The following SYCP2 variants were observed in gnomAD, a reference collection of about 807,000 sequenced individuals.
SYCP2 encodes the protein synaptonemal complex protein 2, also known as synaptonemal complex lateral element protein.
A neutral mutation model predicts 211.3 loss-of-function variants in SYCP2; 55 were observed. The ratio of observed to expected loss-of-function variants is 0.26; its 90% CI spans 0.21 to 0.33. The LOEUF (loss-of-function observed/expected upper bound fraction) is 0.33. SYCP2 is among the 10% of genes least tolerant of loss of function. The pLI, the probability that SYCP2 is intolerant of heterozygous loss-of-function variation, is 1.00. For missense variants in SYCP2, 1,731 were observed against 1,752.0 expected (o/e 0.99, Z 0.21); for synonymous variants, 570 against 555.2 (o/e 1.03, Z -0.37).
chr20:59,868,538 A>C lies in SYCP2; in HGVS notation c.3863T>G (p.Ile1288Arg). ...GPTQHLSRKR[I>R]YIEDNLSNSN... ...ATTACTTAGATTATCTTCTATATATATTCTTTTGCGACTAAGATGTTGGGT... is the reference window on the plus strand; with the variant it reads ...ATTACTTAGATTATCTTCTATATATCTTCTTTTGCGACTAAGATGTTGGGT... Residue 1288 changes from isoleucine (I) to arginine (R), a missense_variant, in exon 38 of 45, where the codon ATA (isoleucine) becomes AGA (arginine). Coordinates refer to ENST00000357552, the MANE Select transcript of SYCP2 (RefSeq NM_014258.4). The C allele has an allele frequency of 6.2e-7, 1 of 1,605,996 alleles. No individual in the cohort carries two copies. The highest frequency in any genetic ancestry group is 8.5e-7 in the Non-Finnish European group (1 of 1,177,302).
chr20:59,893,217 TATA>T lies in SYCP2; in HGVS notation c.1736-21_1736-19del. On this transcript the variant is annotated intron_variant, in intron 21 of 44. Transcript: ENST00000357552. ...GAGTTCACCTAAATAAAACAAATAT[TATA>T]ATATTTTCATTTTTTTCATGCAGTT... is the stretch of plus-strand genomic sequence containing the variant. 1 of 1,557,182 alleles carries T rather than the reference TATA, an allele frequency of 6.4e-7. No homozygotes were observed. The highest frequency in any genetic ancestry group is 8.8e-7 in the Non-Finnish European group (1 of 1,142,696).
rs766858198 is a variant in SYCP2 at position 59,868,521 on chromosome 20, G to A, written c.3880C>T (p.Leu1294=). Residue 1294 remains leucine, a synonymous_variant, in exon 38 of 45, where the codon CTA becomes TTA. Transcript: ENST00000357552. Reference sequence around the variant, plus strand: ...ATTTCTACTTCATTGGAATTACTTAGATTATCTTCTATATATATTCTTTTG... The same window carrying A: ...ATTTCTACTTCATTGGAATTACTTAAATTATCTTCTATATATATTCTTTTG... ...SRKRIYIEDN[L]SNSNEVEMEE... is the part of the protein sequence containing the mutation. 6 of 1,610,606 alleles carry A rather than the reference G, an allele frequency of 3.7e-6. No homozygotes were observed. Among genetic ancestry groups the A allele is most frequent in the African/African-American group, 1.3e-5 (1 of 74,668 alleles).
At chr20:59,887,611 C>A (rs1385739614) in intron 24 of SYCP2, among the ~76,000 whole-genome samples, 1 of 151,952 alleles carries the variant, frequency 6.6e-6, no homozygotes, top group Non-Finnish European at 1.5e-5. Context: ...TACAGTCCCA[C>A]CAACAGTGTA....
rs1487969937 is a variant in SYCP2, at chr20:59,892,169, G to A, written c.2185C>T (p.Leu729=). 6.2e-7 allele frequency: 1 copy of A among 1,612,220 alleles called. No homozygotes were observed. Among genetic ancestry groups the A allele is most frequent in the East Asian group, 2.2e-5 (1 of 44,798 alleles). Residue 729 remains leucine, a synonymous_variant, in exon 24 of 45, where the codon CTA becomes TTA. Transcript: ENST00000357552. ...ESETTFKSVL[L]NKTIEESLIY... ...AGCGATTCTTCAATTGTCTTATTTA[G>A]GAGAACCGATTTAAAAGTAGTTTCA...
chr20:59,922,428 A>T lies in SYCP2; in HGVS notation c.-15T>A, dbSNP rs773739720. On this transcript the variant is annotated 5_prime_UTR_variant, in exon 3 of 45. Transcript: ENST00000357552. Reference sequence around the variant, plus strand: ...CTTATTGGCATTTTGACTTCATTTAAAAAAAAAAAAAAAGCAAGACAAAAT... The same window carrying T: ...CTTATTGGCATTTTGACTTCATTTATAAAAAAAAAAAAAGCAAGACAAAAT... 8.2e-6 allele frequency: 6 copies of T among 727,846 alleles called. No individual in the cohort carries two copies. Among genetic ancestry groups the T allele is most frequent in the African/African-American group, 2.2e-5 (1 of 45,822 alleles). The allele number at this position is 727,846 out of a possible 1,614,324, so 45.1% of individuals were successfully genotyped here.
At chr20:59,866,716 TAA>T in intron 39 of SYCP2, 127 bp from the exon 40 acceptor site, 2 of 663,270 alleles carry the variant, frequency 3.0e-6, no homozygotes, top group South Asian at 2.2e-5. Flanking sequence ...AGTGAAAAAT[TAA>T]AAACTCAGTT....
In SYCP2 at chr20:59,871,297, G is replaced by T. The variant is rs145239342; in HGVS notation, c.3556-1314C>A. On this transcript the variant is annotated intron_variant, in intron 35 of 44. Transcript: ENST00000357552. ...ACACAACTTTATGCTTACCAGACTG[G>T]CAAAAACAGAAACAACTGATAACAT... Among the ~76,000 whole-genome samples the T allele has an allele frequency of 7.3e-3, 1,117 of 151,976 alleles. 19 individuals carry two copies. Among genetic ancestry groups the T allele is most frequent in the African/African-American group, 0.025 (1,056 of 41,522 alleles).
chr20:59,929,150 G>T (rs1174655822), intron 2 of SYCP2, among the ~76,000 whole-genome samples: 5 of 152,052 alleles, frequency 3.3e-5, no homozygotes, highest in Non-Finnish European at 5.9e-5. Flanking sequence ...GGCTAATAAA[G>T]AAATGAAAAT....
chr20:59,874,115 T>A, intron 34 of SYCP2, 54 bp from the exon 35 acceptor site: 1 of 945,436 alleles, frequency 1.1e-6, no homozygotes, highest in Non-Finnish European at 1.5e-6. Flanking sequence ...ATCATTGATG[T>A]CTGCTTTAGA....
At chr20:59,883,109 G>A (rs1051964856) in intron 26 of SYCP2, among the ~76,000 whole-genome samples, 6 of 152,140 alleles carry the variant, frequency 3.9e-5, no homozygotes, top group African/African-American at 1.4e-4. Context: ...AGCACTTTGG[G>A]AGGCCAAGGT....
chr20:59,895,811 C>T (rs1240046666), intron 19 of SYCP2, among the ~76,000 whole-genome samples: 2 of 151,984 alleles, frequency 1.3e-5, no homozygotes, highest in African/African-American at 2.4e-5. Flanking sequence ...AATTTTGGAC[C>T]TATTACATTT....
rs1319310864 is a variant in SYCP2, at chr20:59,875,487, T to C, written c.3151-18A>G. 3 of 1,570,162 alleles carry C rather than the reference T, an allele frequency of 1.9e-6. No individual in the cohort carries two copies. The Admixed American group carries it at 5.3e-5, about 28-fold the overall frequency. ...TTCTCCTCCTAAATGTATCAATAAC[T>C]TTCAAATTATACTCAAGTACAAATA... On this transcript the variant is annotated intron_variant, in intron 33 of 44. Transcript: ENST00000357552.
chr20:59,870,215 T>C (rs1227488255), intron 35 of SYCP2, among the ~76,000 whole-genome samples: 2 of 151,762 alleles, frequency 1.3e-5, no homozygotes, highest in Non-Finnish European at 3.0e-5. Flanking sequence ...ACAGTTTCTA[T>C]GCTCCAGAGG....
chr20:59,924,308 G>A (rs2060593895), intron 2 of SYCP2, among the ~76,000 whole-genome samples: 1 of 151,858 alleles, frequency 6.6e-6, no homozygotes, highest in Non-Finnish European at 1.5e-5. Flanking sequence ...GTATATAACT[G>A]ACCCTAACTA....
chr20:59,910,805 T>G (rs1245829232), intron 14 of SYCP2, among the ~76,000 whole-genome samples: 4 of 151,404 alleles, frequency 2.6e-5, no homozygotes, highest in Non-Finnish European at 5.9e-5. Context: ...CCTAAGTAGC[T>G]CCTCGAAAAA....
At chr20:59,882,831 A>C (rs1029071556) in intron 26 of SYCP2, among the ~76,000 whole-genome samples, 8 of 152,148 alleles carry the variant, frequency 5.3e-5, no homozygotes, top group Non-Finnish European at 1.0e-4. Flanking sequence ...ATATATTACC[A>C]GTGAAATGTA....
At chr20:59,900,028 T>C in intron 18 of SYCP2, 110 bp downstream of exon 18, 2 of 1,178,084 alleles carry the variant, frequency 1.7e-6, no homozygotes, top group East Asian at 2.3e-5. Flanking sequence ...GAAATGTGAT[T>C]GATCAAGGCC....
intron 35 of SYCP2, among the ~76,000 whole-genome samples, 183 bp downstream of exon 35, chr20:59,873,673 G>A (rs2059496733): frequency 6.6e-6 from 1 of 151,908 alleles, no homozygotes; most frequent in Non-Finnish European, 1.5e-5. Context: ...TTATTTGTCT[G>A]TTAGGTTCAT....
In SYCP2 at chr20:59,892,034, A is replaced by T. The variant is rs945555666; in HGVS notation, c.2320T>A (p.Leu774Met). The change falls in exon 24 of 45, where the codon TTG becomes ATG. Residue 774 changes from leucine to methionine, a missense_variant. Leu to Met is a conservative substitution (Grantham distance 15). Around this residue, in one of 3 missense-constraint regions of SYCP2, gnomAD observed 1,387 missense variants for 1,351.3 expected, o/e 1.03. Coordinates refer to ENST00000357552, the MANE Select transcript of SYCP2 (RefSeq NM_014258.4). ...TCCCAGGAATTAAGCTCAGAAGTCA[A>T]TTCTTTCTCTGCTTTTCTATGACTT... ...VQSHRKAEKE[L>M]TSELNSWDSK... The T allele has an allele frequency of 6.2e-7, 1 of 1,605,912 alleles. No homozygotes were observed. The highest frequency in any genetic ancestry group is 8.5e-7 in the Non-Finnish European group (1 of 1,177,278).
Sources: allele counts gnomAD v4.1 joint callset (sites outside exome capture counted in the v4.1 genomes callset), GRCh38; gene constraint gnomAD v4.1.1; regional missense constraint gnomAD v4.1.1; transcripts MANE v1.5; gene names NCBI Gene and HGNC (gene_info 2026-07-23, HGNC 2026-07-21).